Variants in PDC observed in about 807,000 individuals in gnomAD.
The protein encoded by PDC is 33 kDa phototransducing protein.
PDC carries 19 observed loss-of-function variants against 22.2 expected under a neutral mutation model. The observed-to-expected ratio is 0.86, with a 90% CI of 0.60 to 1.26. PDC has a LOEUF of 1.26. Ranked by LOEUF, PDC falls within the 50% of genes most tolerant of loss-of-function variation. PDC has a pLI of 0.00. For missense variants in PDC, 274 were observed against 286.8 expected (o/e 0.96, Z 0.32); for synonymous variants, 97 against 96.2 (o/e 1.01, Z -0.05).
intron 1 of PDC, among the ~76,000 whole-genome samples, chr1:186,450,208 A>G (rs1662322012): frequency 6.6e-6 from 1 of 152,220 alleles, no homozygotes; most frequent in African/African-American, 2.4e-5. Flanking sequence ...TTGAATTGGC[A>G]TTAAAAAATG....
At chr1:186,459,576 T>G (rs1662537997) in intron 1 of PDC, among the ~76,000 whole-genome samples, 1 of 151,994 alleles carries the variant, frequency 6.6e-6, no homozygotes, top group Non-Finnish European at 1.5e-5. Context: ...TTACAGACAT[T>G]ATTATGAATG....
In PDC at chr1:186,449,416, C is replaced by A. The variant is rs1662302832; in HGVS notation, c.44G>T (p.Gly15Val). 1 of 1,606,254 alleles carries A rather than the reference C, an allele frequency of 6.2e-7. No homozygotes were observed. The highest frequency in any genetic ancestry group is 1.3e-5 in the African/African-American group (1 of 74,728). ...TTGCTTGCCTGTATGTGTGGCCTGT[C>A]CTTCAAAGTCTTCCTCCAAACTTTG... ...KSQSLEEDFE[G>V]QATHTGPKGV... is the part of the protein sequence containing the mutation. The change falls in exon 2 of 4, where the codon GGA (glycine) becomes GTA (valine). Residue 15 changes from glycine to valine, a missense_variant. Gly to Val is a moderately radical substitution (Grantham distance 109). Transcript: ENST00000391997.
At chr1:186,455,218 G>A (rs1252278512) in intron 1 of PDC, among the ~76,000 whole-genome samples, 2 of 152,176 alleles carry the variant, frequency 1.3e-5, no homozygotes, top group African/African-American at 4.8e-5. Context: ...CCTTCTCACT[G>A]TGACCTCACA....
At chr1:186,446,689 C>T (rs1662236446) in intron 2 of PDC, 112 bp from the exon 3 acceptor site, 1 of 555,882 alleles carries the variant, frequency 1.8e-6, no homozygotes, top group Non-Finnish European at 3.0e-6. Context: ...TCTCCTGCAT[C>T]AGAAACAAAC....
Position 186,446,424 on chromosome 1 carries a change from A to G in PDC, c.213+2T>C. 6.3e-7 allele frequency: 1 copy of G among 1,583,406 alleles called. No homozygotes were observed. The highest frequency in any genetic ancestry group is 8.6e-7 in the Non-Finnish European group (1 of 1,161,814). On this transcript the variant is annotated splice_donor_variant, in intron 3 of 3. Coordinates refer to ENST00000391997, the MANE Select transcript of PDC (RefSeq NM_002597.5). LOFTEE classifies it high-confidence loss of function. ...TTATTACTGCTTTTTGTATTATCTT[A>G]CCTTTCTGCTGACTCGTTCCTTTGA...
chr1:186,443,968 A>C lies in PDC; in HGVS notation c.*11T>G. The C allele has an allele frequency of 6.3e-7, 1 of 1,579,586 alleles. No individual in the cohort carries two copies. Among genetic ancestry groups the C allele is most frequent in the Non-Finnish European group, 8.7e-7 (1 of 1,151,868 alleles). On this transcript the variant is annotated 3_prime_UTR_variant, in exon 4 of 4. Coordinates refer to ENST00000391997, the MANE Select transcript of PDC (RefSeq NM_002597.5). ...TAAAGGATAAACATGAGATATTGAC[A>C]TAGTGAATCTTCATTCAACATCTTC...
chr1:186,454,326 A>T lies in PDC; in HGVS notation c.-24-4843T>A, dbSNP rs144723791. Reference sequence around the variant, plus strand: ...CCCAAGTAGCTGGGATTACAGGCACACGCCACTATGCCCAGCTAATTTTTG... The same window carrying T: ...CCCAAGTAGCTGGGATTACAGGCACTCGCCACTATGCCCAGCTAATTTTTG... On this transcript the variant is annotated intron_variant, in intron 1 of 3. Transcript: ENST00000391997. 3.3e-3 allele frequency among the ~76,000 whole-genome samples: 503 copies of T among 151,496 alleles called. 4 individuals carry two copies. The highest frequency in any genetic ancestry group is 0.012 in the African/African-American group (478 of 41,348).
At chr1:186,454,633 C>T (rs1662420516) in intron 1 of PDC, among the ~76,000 whole-genome samples, 1 of 152,160 alleles carries the variant, frequency 6.6e-6, no homozygotes, top group Non-Finnish European at 1.5e-5. Flanking sequence ...GTGTAATATG[C>T]AGTATGCATC....
intron 1 of PDC, among the ~76,000 whole-genome samples, chr1:186,459,276 C>A (rs1197211878): frequency 6.6e-6 from 1 of 150,386 alleles, no homozygotes; most frequent in Non-Finnish European, 1.5e-5. Flanking sequence ...ACCCAGGAAT[C>A]TTTAACAAGC....
Position 186,444,302 on chromosome 1 carries a change from T to A in PDC, c.418A>T (p.Ile140Phe). ...CAACCCTTAATACCATCTTCATAAA[T>A]GTGAACAACAATTGTGGTGATCTTC... Reference protein sequence around the residue: ...ELKITTIVVHIYEDGIKGCDA... With the variant: ...ELKITTIVVHFYEDGIKGCDA... Residue 140 changes from isoleucine (I) to phenylalanine (F), a missense_variant, in exon 4 of 4, where the codon ATT becomes TTT. Physicochemically the swap from Ile to Phe is conservative, Grantham distance 21 (BLOSUM62 0). Transcript: ENST00000391997. 3 of 1,614,026 alleles carry A rather than the reference T, an allele frequency of 1.9e-6. No individual in the cohort carries two copies. The highest frequency in any genetic ancestry group is 2.5e-6 in the Non-Finnish European group (3 of 1,179,904).
chr1:186,454,476 A>G (rs552766521), intron 1 of PDC, among the ~76,000 whole-genome samples: 1 of 150,888 alleles, frequency 6.6e-6, no homozygotes, highest in South Asian at 2.2e-4. Context: ...CACCTGGCCT[A>G]TTTCATGTTA....
rs1929095 is a variant in PDC, at chr1:186,443,589, T to C, written c.*390A>G. ...TAGACTTCAAATAGAAAATTTATTT[T>C]CTCATGAGATTTCATTTTTATTACA... On this transcript the variant is annotated 3_prime_UTR_variant, in exon 4 of 4. Coordinates refer to ENST00000391997, the MANE Select transcript of PDC (RefSeq NM_002597.5). 31,929 of 158,250 alleles carry C rather than the reference T, an allele frequency of 0.2. 4,663 individuals are homozygous for C. Among genetic ancestry groups the C allele is most frequent in the African/African-American group, 0.41 (17,243 of 41,624 alleles). 9.8% of individuals were successfully genotyped at this position (158,250 alleles called of 1,614,324 possible).
intron 3 of PDC, 46 bp downstream of exon 3, chr1:186,446,380 A>C (rs772936125): frequency 7.2e-7 from 1 of 1,394,660 alleles, no homozygotes; most frequent in Non-Finnish European, 9.9e-7. Flanking sequence ...TTTAGATTAG[A>C]AAACACATTG....
intron 1 of PDC, among the ~76,000 whole-genome samples, chr1:186,449,812 C>T (rs922526544): frequency 1.3e-5 from 2 of 151,930 alleles, no homozygotes; most frequent in Admixed American, 6.6e-5. Flanking sequence ...ACTGATTTTC[C>T]TAATTTCCTA....
intron 1 of PDC, among the ~76,000 whole-genome samples, chr1:186,454,168 C>CTTTTTTTTTTTTTTT (rs397860509): frequency 1.4e-4 from 13 of 94,232 alleles, no homozygotes; most frequent in East Asian, 3.5e-4. Context: ...TCTTTTCTTT[C>CTTTTTTTTTTTTTTT]TTTTTTTTTT....
chr1:186,444,526 A>G lies in PDC; in HGVS notation c.214-20T>C. 1 of 1,492,044 alleles carries G rather than the reference A, an allele frequency of 6.7e-7. No homozygotes were observed. The highest frequency in any genetic ancestry group is 9.2e-7 in the Non-Finnish European group (1 of 1,081,678). The allele number at this position is 1,492,044 out of a possible 1,614,324, so 92.4% of individuals were successfully genotyped here. A position where few individuals can be genotyped will look rare whatever the true frequency, so the allele number is the denominator to read the frequency against. ...GCTCATCTGAGAATAAAGAAATGAT[A>G]GAAATTATTAAGTCAGAAGTTTTAT... On this transcript the variant is annotated intron_variant, in intron 3 of 3. Coordinates refer to ENST00000391997, the MANE Select transcript of PDC (RefSeq NM_002597.5).
chr1:186,456,395 G>C (rs917606661), intron 1 of PDC, among the ~76,000 whole-genome samples: 5 of 152,150 alleles, frequency 3.3e-5, no homozygotes, highest in South Asian at 2.1e-4. Flanking sequence ...TGAGGTTCAA[G>C]TAAATGTATC....
In PDC at chr1:186,444,479, G is replaced by A; in HGVS notation, c.241C>T (p.His81Tyr). Residue 81 changes from histidine (H) to tyrosine (Y), a missense_variant, in exon 4 of 4, where the codon CAT (histidine) becomes TAT (tyrosine). By Grantham distance (83) the His-to-Tyr change is moderately conservative. Coordinates refer to ENST00000391997, the MANE Select transcript of PDC (RefSeq NM_002597.5). ...CAGTTTTCATCCTCTTTCTCTTTAT[G>A]GATTAGTTCATATTCTTGAATGCTC... ...KMSIQEYELI[H>Y]KEKEDENCLR... 6.2e-7 allele frequency: 1 copy of A among 1,601,838 alleles called. No homozygotes were observed. The highest frequency in any genetic ancestry group is 8.5e-7 in the Non-Finnish European group (1 of 1,170,192).
Position 186,444,292 on chromosome 1 carries a change from T to A in PDC, c.428A>T (p.Asp143Val), listed in dbSNP as rs374625284. Residue 143 changes from aspartate to valine, a missense_variant, in exon 4 of 4, where the codon GAT (aspartate) becomes GTT (valine). By Grantham distance (152) the Asp-to-Val change is radical. Transcript: ENST00000391997. Reference sequence around the variant, plus strand: ...TAGAGCATCACAACCCTTAATACCATCTTCATAAATGTGAACAACAATTGT... The same window carrying A: ...TAGAGCATCACAACCCTTAATACCAACTTCATAAATGTGAACAACAATTGT... Reference protein sequence around the residue: ...ITTIVVHIYEDGIKGCDALNS... With the variant: ...ITTIVVHIYEVGIKGCDALNS... The A allele has an allele frequency of 6.2e-7, 1 of 1,613,924 alleles. No individual in the cohort carries two copies. The highest frequency in any genetic ancestry group is 8.5e-7 in the Non-Finnish European group (1 of 1,179,828).
Sources: allele counts gnomAD v4.1 joint callset (sites outside exome capture counted in the v4.1 genomes callset), GRCh38; gene constraint gnomAD v4.1.1; transcripts MANE v1.5; gene names NCBI Gene and HGNC (gene_info 2026-07-23, HGNC 2026-07-21).